NMBR: variants seen among roughly 807,000 people sequenced by gnomAD.
The protein encoded by NMBR is neuromedin-B receptor.
In NMBR, 16 loss-of-function variants were observed where a neutral mutation model predicts 20.5. The observed-to-expected ratio is 0.78, with a 90% CI of 0.53 to 1.19. The LOEUF (loss-of-function observed/expected upper bound fraction) is 1.19. Among genes scored for constraint, NMBR ranks in the 50% most tolerant of loss-of-function variants. The pLI is 0.00. For missense variants in NMBR, 582 were observed against 499.1 expected (o/e 1.17, Z -1.58); for synonymous variants, 212 against 196.6 (o/e 1.08, Z -0.65).
chr6:142,112,894 A>C (rs1243157409), intron 1 of NMBR, among the ~76,000 whole-genome samples: 1 of 137,332 alleles, frequency 7.3e-6, no homozygotes, highest in Non-Finnish European at 1.7e-5. Context: ...AAGAGGATTT[A>C]CATTGACAAA....
chr6:142,093,381 C>T (rs1777374815), intron 1 of NMBR, among the ~76,000 whole-genome samples: 1 of 146,628 alleles, frequency 6.8e-6, no homozygotes, highest in Admixed American at 6.9e-5. Context: ...CAATTCCCAC[C>T]TATGAGTGAG....
chr6:142,131,687 T>C (rs2114607241), intron 1 of NMBR, among the ~76,000 whole-genome samples: 1 of 152,190 alleles, frequency 6.6e-6, no homozygotes, highest in East Asian at 1.9e-4. Flanking sequence ...TATTACCCAA[T>C]TGGATCAGAA....
At chr6:142,126,147 T>C (rs1778032817) in intron 1 of NMBR, among the ~76,000 whole-genome samples, 1 of 151,902 alleles carries the variant, frequency 6.6e-6, no homozygotes, top group Non-Finnish European at 1.5e-5. Flanking sequence ...CATATAGTAT[T>C]TGTCTTTCTG....
intron 1 of NMBR, among the ~76,000 whole-genome samples, chr6:142,137,890 A>C (rs1246362450): frequency 6.6e-6 from 1 of 152,118 alleles, no homozygotes; most frequent in Non-Finnish European, 1.5e-5. Flanking sequence ...TGAAAGTTTC[A>C]ATATTAAAAT....
chr6:142,105,107 C>G (rs9385987), intron 1 of NMBR, among the ~76,000 whole-genome samples: 5 of 124,184 alleles, frequency 4.0e-5, no homozygotes, highest in East Asian at 2.3e-4. Flanking sequence ...TTAACAAGGG[C>G]GGGGGAATAT....
At chr6:142,089,963 CTT>C (rs1777291114) in intron 1 of NMBR, among the ~76,000 whole-genome samples, 1 of 152,134 alleles carries the variant, frequency 6.6e-6, no homozygotes, top group South Asian at 2.1e-4. Flanking sequence ...AAATTACTAA[CTT>C]ATTTTTTCTT....
chr6:142,075,773 C>A lies in NMBR; in HGVS notation c.1048G>T (p.Gly350Ter), dbSNP rs372175532. ...GAAGAGCTGAGTAGGTAGCTGGTTC[C>A]TCTCTCTTGATAGGACTTCCTCCCA... The part of the protein sequence containing the change: ...CCGRKSYQER[G>*]TSYLLSSSAV... Residue 350 changes from glycine to a stop codon, truncating the protein, a stop_gained, in exon 4 of 4, where the codon GGA becomes TGA. Coordinates refer to ENST00000258042, the MANE Select transcript of NMBR (RefSeq NM_002511.4). LOFTEE classifies it high-confidence loss of function. 6.2e-7 allele frequency: 1 copy of A among 1,614,042 alleles called. No homozygotes were observed. The highest frequency in any genetic ancestry group is 1.3e-5 in the African/African-American group (1 of 75,038).
At chr6:142,087,276 G>A (rs745703323) in intron 2 of NMBR, among the ~76,000 whole-genome samples, 23 of 152,142 alleles carry the variant, frequency 1.5e-4, no homozygotes, top group Non-Finnish European at 2.6e-4. Flanking sequence ...AGAGGAGAGG[G>A]CATACCACCT....
intron 1 of NMBR, among the ~76,000 whole-genome samples, chr6:142,143,559 C>T (rs956716595): frequency 2.0e-5 from 3 of 152,250 alleles, no homozygotes. Flanking sequence ...GCTGGAATTA[C>T]AGGCGTGAGC....
At chr6:142,137,843 G>T (rs1373874223) in intron 1 of NMBR, among the ~76,000 whole-genome samples, 1 of 152,108 alleles carries the variant, frequency 6.6e-6, no homozygotes, top group Non-Finnish European at 1.5e-5. Flanking sequence ...CAGGGATGAA[G>T]CCCACTTGAT....
intron 1 of NMBR, among the ~76,000 whole-genome samples, chr6:142,125,508 C>CATGTGCATGCATATACACAT (rs1407324433): frequency 1.3e-5 from 2 of 151,802 alleles, no homozygotes. Context: ...TACACATATA[C>CATGTGCATGCATATACACAT]ATACATACAC....
chr6:142,145,461 T>G (rs186541405), intron 1 of NMBR, among the ~76,000 whole-genome samples: 19 of 152,366 alleles, frequency 1.2e-4, no homozygotes, highest in Admixed American at 4.6e-4. Flanking sequence ...GTTATCTAGA[T>G]TCTATGTGTC....
At chr6:142,078,984 G>A in intron 2 of NMBR, 81 bp from the exon 3 acceptor site, 6 of 885,754 alleles carry the variant, frequency 6.8e-6, no homozygotes, top group Admixed American at 3.3e-5. Flanking sequence ...GAAAAAGAAA[G>A]GAAGAAAGGG....
chr6:142,088,280 C>T lies in NMBR; in HGVS notation c.379G>A (p.Val127Met), dbSNP rs143952823. 11 of 1,613,626 alleles carry T rather than the reference C, an allele frequency of 6.8e-6. No homozygotes were observed. The highest frequency in any genetic ancestry group is 5.5e-5 in the South Asian group (5 of 91,090). ...GTGAGAGTGAACACGGAAACCCCCA[C>T]GGAAGTGAGCTGGATGACAGGGATC... ...KLIPVIQLTS[V>M]GVSVFTLTAL... Residue 127 changes from valine to methionine, a missense_variant, in exon 2 of 4, where the codon GTG (valine) becomes ATG (methionine). Val to Met is a conservative substitution (Grantham distance 21). Coordinates refer to ENST00000258042, the MANE Select transcript of NMBR (RefSeq NM_002511.4).
At chr6:142,106,733 T>G (rs1282768873) in intron 1 of NMBR, among the ~76,000 whole-genome samples, 1 of 152,240 alleles carries the variant, frequency 6.6e-6, no homozygotes, top group Non-Finnish European at 1.5e-5. Context: ...AATTGTATTT[T>G]GTAAGCACAG....
At chr6:142,128,732 A>G (rs142542255) in intron 1 of NMBR, among the ~76,000 whole-genome samples, 10 of 152,048 alleles carry the variant, frequency 6.6e-5, no homozygotes, top group African/African-American at 2.4e-4. Context: ...CTGGTGTATT[A>G]TTCTTCTATC....
chr6:142,113,824 A>T (rs563380189), intron 1 of NMBR, among the ~76,000 whole-genome samples: 1 of 152,184 alleles, frequency 6.6e-6, no homozygotes, highest in Non-Finnish European at 1.5e-5. Flanking sequence ...CCTCTAAATG[A>T]TTGTCATAAA....
intron 1 of NMBR, among the ~76,000 whole-genome samples, chr6:142,115,034 G>A (rs1777826294): frequency 6.6e-6 from 1 of 152,116 alleles, no homozygotes; most frequent in Non-Finnish European, 1.5e-5. Flanking sequence ...CAAAGATTGA[G>A]AGAGACTTTT....
At chr6:142,105,839 A>G (rs539876160) in intron 1 of NMBR, among the ~76,000 whole-genome samples, 72 of 152,248 alleles carry the variant, frequency 4.7e-4, no homozygotes, top group African/African-American at 1.7e-3. Context: ...ATTTTTTTAG[A>G]AGGATGGTTC....
Sources: gnomAD v4.1 joint callset for allele counts (sites outside exome capture counted in the v4.1 genomes callset) on GRCh38, gnomAD v4.1.1 for gene constraint, MANE v1.5 for transcripts, NCBI Gene and HGNC (gene_info 2026-07-23, HGNC 2026-07-21) for gene names.